FER1L6: variants seen among roughly 807,000 people sequenced by gnomAD.
FER1L6 encodes the protein fer-1 like family member 6.
In FER1L6, 177 loss-of-function variants were observed where a neutral mutation model predicts 219.2. The ratio of observed to expected loss-of-function variants is 0.81; its 90% CI spans 0.71 to 0.91. The LOEUF is 0.91. Ranked by LOEUF, FER1L6 falls within the 40% of genes least tolerant of loss-of-function variation. The pLI is 0.00. For synonymous variants in FER1L6, 768 were observed against 824.3 expected, an observed-to-expected ratio of 0.93 and a Z score of 1.17; for missense variants, 2,153 against 2,259.9, an observed-to-expected ratio of 0.95 and a Z score of 0.96.
chr8:124,002,614 C>T (rs1817467194), intron 12 of FER1L6, among the ~76,000 whole-genome samples: 1 of 152,012 alleles, frequency 6.6e-6, no homozygotes, highest in East Asian at 1.9e-4. Flanking sequence ...ATATTTATAG[C>T]ACAAAAGCTG....
At chr8:124,112,072 C>T (rs1473931801) in intron 39 of FER1L6, among the ~76,000 whole-genome samples, 3 of 152,164 alleles carry the variant, frequency 2.0e-5, no homozygotes, top group Non-Finnish European at 4.4e-5. Context: ...CCTGCCATAC[C>T]TGGGGGCACT....
At chr8:124,089,455 C>A (rs1821928252) in intron 33 of FER1L6, among the ~76,000 whole-genome samples, 1 of 152,336 alleles carries the variant, frequency 6.6e-6, no homozygotes, top group South Asian at 2.1e-4. Flanking sequence ...TACTTAATAT[C>A]ATGTTAAAAC....
chr8:124,079,340 G>A (rs934413200), intron 32 of FER1L6, among the ~76,000 whole-genome samples: 1 of 152,154 alleles, frequency 6.6e-6, no homozygotes, highest in African/African-American at 2.4e-5. Flanking sequence ...TACTGCTTTT[G>A]CTCTTTATTA....
intron 29 of FER1L6, among the ~76,000 whole-genome samples, 153 bp from the exon 30 acceptor site, chr8:124,070,314 G>A (rs557923877): frequency 2.6e-5 from 4 of 152,254 alleles, no homozygotes; most frequent in Admixed American, 6.5e-5. Context: ...GCCAATCCAC[G>A]TTCCTTATCT....
At chr8:124,010,042 C>T (rs1041858383) in intron 13 of FER1L6, among the ~76,000 whole-genome samples, 2 of 152,056 alleles carry the variant, frequency 1.3e-5, no homozygotes, top group Non-Finnish European at 2.9e-5. Flanking sequence ...GGTCGTGGAA[C>T]TGCAGACCCA....
rs1816577622 is a variant in FER1L6, at chr8:123,853,936, G to C, written c.-8+1751G>C. ...AGAAGGTGCACCTCTGAGGAGCAAA[G>C]GATGCAGGGCTTCTGTGGGCCTGGC... On this transcript the variant is annotated intron_variant, in intron 1 of 40. Coordinates refer to ENST00000522917, the MANE Select transcript of FER1L6 (RefSeq NM_001039112.2). The surrounding 1 kb of genome is among the most constrained non-coding windows in gnomAD (Gnocchi z 6.6). Among the ~76,000 whole-genome samples, 4 of 152,224 alleles carry C rather than the reference G, an allele frequency of 2.6e-5. No individual in the cohort carries two copies. Among genetic ancestry groups the C allele is most frequent in the Admixed American group, 2.6e-4 (4 of 15,286 alleles).
chr8:124,017,215 C>T (rs1374077759), intron 15 of FER1L6, among the ~76,000 whole-genome samples: 1 of 152,068 alleles, frequency 6.6e-6, no homozygotes, highest in Non-Finnish European at 1.5e-5. Context: ...CTCAGTCTTT[C>T]CTATTGTTTT....
chr8:124,065,798 A>C (rs1266674986), intron 26 of FER1L6, among the ~76,000 whole-genome samples: 4 of 152,206 alleles, frequency 2.6e-5, no homozygotes, highest in Non-Finnish European at 5.9e-5. Context: ...TGAGTGCTGC[A>C]TCCATAGGCT....
intron 14 of FER1L6, among the ~76,000 whole-genome samples, chr8:124,011,537 G>A (rs1817922401): frequency 6.6e-6 from 1 of 151,828 alleles, no homozygotes; most frequent in African/African-American, 2.4e-5. Context: ...ATTTTGTAGA[G>A]ATAGAGTCTC....
intron 1 of FER1L6, among the ~76,000 whole-genome samples, chr8:123,955,102 T>G (rs1044637762): frequency 2.6e-5 from 4 of 152,100 alleles, no homozygotes; most frequent in Non-Finnish European, 4.4e-5. Flanking sequence ...CTAGGGAGCT[T>G]CCTGTAATGA....
chr8:123,939,001 T>A (rs1215262627), intron 1 of FER1L6, among the ~76,000 whole-genome samples: 1 of 152,248 alleles, frequency 6.6e-6, no homozygotes, highest in Non-Finnish European at 1.5e-5. Flanking sequence ...CACTTGCTTT[T>A]TTTGCCTGCT....
intron 1 of FER1L6, among the ~76,000 whole-genome samples, chr8:123,883,643 T>C (rs1817150176): frequency 6.6e-6 from 1 of 152,170 alleles, no homozygotes; most frequent in East Asian, 1.9e-4. Flanking sequence ...GAAGTTTATT[T>C]CTCACAATTC....
At chr8:124,082,853 C>T (rs540525421) in intron 33 of FER1L6, among the ~76,000 whole-genome samples, 1 of 152,276 alleles carries the variant, frequency 6.6e-6, no homozygotes, top group Non-Finnish European at 1.5e-5. Flanking sequence ...AAGCACTTTA[C>T]ATGGAGTATC....
At chr8:124,095,377 G>A (rs1416624136) in intron 35 of FER1L6, among the ~76,000 whole-genome samples, 1 of 152,186 alleles carries the variant, frequency 6.6e-6, no homozygotes, top group South Asian at 2.1e-4. Context: ...AAGTCTTTTG[G>A]AAGAATATTG....
chr8:124,083,795 T>TATTTCTA (rs1821679404), intron 33 of FER1L6, among the ~76,000 whole-genome samples: 1 of 152,150 alleles, frequency 6.6e-6, no homozygotes, highest in South Asian at 2.1e-4. Flanking sequence ...TTGTTTTTTC[T>TATTTCTA]ATTTCTATGA....
chr8:123,856,316 G>GTATATATATATATATATATATA (rs1554608009), intron 1 of FER1L6, among the ~76,000 whole-genome samples: 22 of 45,080 alleles, frequency 4.9e-4, no homozygotes, highest in African/African-American at 1.9e-3. Context: ...ATATGTATGT[G>GTATATATATATATATATATATA]TATATATATA....
chr8:123,858,444 G>A (rs528628237), intron 1 of FER1L6, among the ~76,000 whole-genome samples: 15 of 152,186 alleles, frequency 9.9e-5, no homozygotes, highest in Non-Finnish European at 5.9e-5. Flanking sequence ...AATCCCAGTG[G>A]CTTAAAGTGC....
chr8:123,903,048 C>CAT (rs1554613661), intron 1 of FER1L6, among the ~76,000 whole-genome samples: 1 of 152,040 alleles, frequency 6.6e-6, no homozygotes, highest in Non-Finnish European at 1.5e-5. Flanking sequence ...ATCTTTCCTT[C>CAT]ATATATGATG....
intron 1 of FER1L6, among the ~76,000 whole-genome samples, chr8:123,912,286 A>G (rs72727534): frequency 0.013 from 1,928 of 150,608 alleles, 52 homozygotes; most frequent in African/African-American, 0.044. Flanking sequence ...GTTTAAAAAA[A>G]AAGAAGAAGA....
Sources: allele counts gnomAD v4.1 joint callset (sites outside exome capture counted in the v4.1 genomes callset), GRCh38; gene constraint gnomAD v4.1.1; non-coding constraint Gnocchi (gnomAD v3.1); transcripts MANE v1.5; gene names NCBI Gene and HGNC (gene_info 2026-07-23, HGNC 2026-07-21).